PLEKHA6: variants seen among roughly 807,000 people sequenced by gnomAD.
PLEKHA6 encodes the protein pleckstrin homology domain-containing family A member 6.
PLEKHA6 carries 60 observed loss-of-function variants against 116.7 expected under a neutral mutation model. That is an observed-to-expected ratio of 0.51 (90% CI 0.42 to 0.64). PLEKHA6 has a LOEUF of 0.64. Among genes scored for constraint, PLEKHA6 ranks in the 30% least tolerant of loss-of-function variants. The probability of loss-of-function intolerance (pLI) is 0.00; values close to 1 mark genes in which losing one functional copy is unlikely to be tolerated. For missense variants in PLEKHA6, 1,338 were observed against 1,422.7 expected, an observed-to-expected ratio of 0.94 and a Z score of 0.96; for synonymous variants, 489 against 556.1, an observed-to-expected ratio of 0.88 and a Z score of 1.70.
At chr1:204,235,301 G>A (rs557557784) in intron 17 of PLEKHA6, among the ~76,000 whole-genome samples, 10 of 152,158 alleles carry the variant, frequency 6.6e-5, no homozygotes, top group South Asian at 4.2e-4. Flanking sequence ...TTGATTCACG[G>A]TTCATTGAGA....
intron 1 of PLEKHA6, chr1:204,275,925 G>A (rs1343840731): frequency 1.3e-5 from 2 of 153,774 alleles, no homozygotes; most frequent in African/African-American, 4.8e-5. Flanking sequence ...ACGGAGACAG[G>A]GCCACTCAAG....
intron 1 of PLEKHA6, among the ~76,000 whole-genome samples, chr1:204,326,282 C>T (rs541923062): frequency 6.6e-6 from 1 of 152,322 alleles, no homozygotes; most frequent in African/African-American, 2.4e-5. Context: ...CCCAACCAGC[C>T]AGGAGAGTGA....
intron 1 of PLEKHA6, chr1:204,311,526 G>T: frequency 7.1e-6 from 5 of 701,688 alleles, no homozygotes; most frequent in South Asian, 6.4e-5. Context: ...TCTACTCATT[G>T]TTTCTAGTTC....
At chr1:204,303,809 G>A (rs907148334) in intron 1 of PLEKHA6, among the ~76,000 whole-genome samples, 3 of 152,148 alleles carry the variant, frequency 2.0e-5, no homozygotes, top group African/African-American at 7.2e-5. Flanking sequence ...TGCCTCCTTG[G>A]CTCAAGCGAT....
intron 3 of PLEKHA6, among the ~76,000 whole-genome samples, chr1:204,272,358 C>G (rs1667552068): frequency 1.3e-5 from 2 of 152,146 alleles, no homozygotes; most frequent in African/African-American, 4.8e-5. Context: ...TTCTCCTGAA[C>G]CTACTACCTA....
chr1:204,305,811 G>C (rs1671245272), intron 1 of PLEKHA6, among the ~76,000 whole-genome samples: 1 of 152,142 alleles, frequency 6.6e-6, no homozygotes, highest in South Asian at 2.1e-4. Flanking sequence ...CCTATTAATT[G>C]TATTGCCTAA....
chr1:204,329,994 G>A (rs1672390339), intron 1 of PLEKHA6, among the ~76,000 whole-genome samples: 1 of 151,998 alleles, frequency 6.6e-6, no homozygotes, highest in Admixed American at 6.5e-5. Flanking sequence ...CAATCACAGT[G>A]AATGGACCTG....
chr1:204,375,900 C>A (rs1673860492), intron 1 of PLEKHA6, among the ~76,000 whole-genome samples: 1 of 151,702 alleles, frequency 6.6e-6, no homozygotes, highest in Admixed American at 6.6e-5. Flanking sequence ...TTCCCCAAGC[C>A]TCTACTTCCA....
chr1:204,236,679 T>G (rs549209894), intron 17 of PLEKHA6, among the ~76,000 whole-genome samples: 2 of 152,334 alleles, frequency 1.3e-5, no homozygotes, highest in South Asian at 4.1e-4. Flanking sequence ...CAGAATAGTC[T>G]GACTTATGTA....
intron 1 of PLEKHA6, among the ~76,000 whole-genome samples, chr1:204,305,660 T>C (rs1333981070): frequency 2.0e-5 from 3 of 152,160 alleles, no homozygotes; most frequent in Non-Finnish European, 2.9e-5. Context: ...GAAGAAATTA[T>C]GACACTCTTT....
rs1558120099 is a variant in PLEKHA6 at position 204,274,728 on chromosome 1, C to T, written c.-14+1G>A. 21 of 985,826 alleles carry T rather than the reference C, an allele frequency of 2.1e-5. No individual in the cohort carries two copies. The highest frequency in any genetic ancestry group is 2.4e-5 in the Non-Finnish European group (20 of 829,990). 61.1% of individuals were successfully genotyped at this position (985,826 alleles called of 1,614,324 possible). On this transcript the variant is annotated splice_donor_variant, in intron 2 of 22. Transcript: ENST00000272203. LOFTEE classifies it low-confidence loss of function (5UTR_SPLICE). Reference sequence around the variant, plus strand: ...AAACAGCAAGTAGGGGACACACTTACATTTTCAAGTCAAATTTTTTGTTTT... The same window carrying T: ...AAACAGCAAGTAGGGGACACACTTATATTTTCAAGTCAAATTTTTTGTTTT...
intron 10 of PLEKHA6, 77 bp downstream of exon 10, chr1:204,250,469 A>T (rs1664389348): frequency 1.0e-6 from 1 of 968,682 alleles, no homozygotes; most frequent in Non-Finnish European, 1.7e-6. Context: ...AGAGAGATGG[A>T]TGGAGAGACA....
At chr1:204,326,618 C>T (rs1572184333) in intron 1 of PLEKHA6, among the ~76,000 whole-genome samples, 1 of 152,182 alleles carries the variant, frequency 6.6e-6, no homozygotes, top group African/African-American at 2.4e-5. Flanking sequence ...GATCATTGAG[C>T]CTTACACCCT....
At chr1:204,232,819 G>C (rs1433311223) in intron 17 of PLEKHA6, among the ~76,000 whole-genome samples, 5 of 152,152 alleles carry the variant, frequency 3.3e-5, no homozygotes, top group Non-Finnish European at 7.3e-5. Context: ...GCAGGGGAGT[G>C]AGCCACAGAG....
intron 1 of PLEKHA6, among the ~76,000 whole-genome samples, chr1:204,308,386 C>G (rs189892182): frequency 6.6e-6 from 1 of 152,256 alleles, no homozygotes; most frequent in Non-Finnish European, 1.5e-5. Flanking sequence ...CCATTGCACT[C>G]CCACCTGGGT....
chr1:204,322,995 G>A (rs1210677694), intron 1 of PLEKHA6, among the ~76,000 whole-genome samples: 5 of 152,164 alleles, frequency 3.3e-5, no homozygotes, highest in Admixed American at 6.5e-5. Flanking sequence ...CCTTTGCTTT[G>A]CATTTCCTTG....
rs1035334635 is a variant in PLEKHA6 at position 204,257,431 on chromosome 1, C to T, written c.1446G>A (p.Glu482=). The T allele has an allele frequency of 1.3e-6, 2 of 1,566,656 alleles. No homozygotes were observed. Among genetic ancestry groups the T allele is most frequent in the African/African-American group, 1.4e-5 (1 of 74,048 alleles). Residue 482 remains glutamate (E), a synonymous_variant, in exon 9 of 23, where the codon GAG becomes GAA. Coordinates refer to ENST00000272203, the MANE Select transcript of PLEKHA6 (RefSeq NM_014935.5). This position sits in a 1 kb window ranked among gnomAD's most constrained non-coding sequence, Gnocchi z 6.5. Reference sequence around the variant, plus strand: ...TGTCCTCACTGCGAGGTGGCAGCCGCTCAAAACGGGCACTGGGTGAGCGGA... The same window carrying T: ...TGTCCTCACTGCGAGGTGGCAGCCGTTCAAAACGGGCACTGGGTGAGCGGA... ...SPVRSPSARF[E]RLPPRSEDIY...
At chr1:204,279,481 C>T (rs775042728) in intron 1 of PLEKHA6, among the ~76,000 whole-genome samples, 4 of 152,214 alleles carry the variant, frequency 2.6e-5, no homozygotes, top group East Asian at 1.9e-4. Flanking sequence ...ACAGGTAATC[C>T]GTTTTCTCCT....
chr1:204,245,069 C>T (rs1663450522), intron 14 of PLEKHA6, 66 bp from the exon 15 acceptor site: 1 of 1,134,004 alleles, frequency 8.8e-7, no homozygotes, highest in Non-Finnish European at 1.2e-6. Context: ...TAGATGGGCA[C>T]TGTGAGTGGA....
Sources: allele counts gnomAD v4.1 joint callset (sites outside exome capture counted in the v4.1 genomes callset), GRCh38; gene constraint gnomAD v4.1.1; non-coding constraint Gnocchi (gnomAD v3.1); transcripts MANE v1.5; gene names NCBI Gene and HGNC (gene_info 2026-07-23, HGNC 2026-07-21).